MCM7: variants seen among roughly 807,000 people sequenced by gnomAD.
The protein encoded by MCM7 is minichromosome maintenance complex component 7, also known as DNA replication licensing factor MCM7.
MCM7 carries 95 observed loss-of-function variants against 83.5 expected under a neutral mutation model. The observed-to-expected ratio is 1.14, with a 90% confidence interval of 0.96 to 1.35. The LOEUF (loss-of-function observed/expected upper bound fraction) is 1.35, where lower values mean the gene tolerates loss of function less well. Ranked by LOEUF, MCM7 falls within the 40% of genes most tolerant of loss-of-function variation. The pLI is 0.00. For synonymous variants in MCM7, 461 were observed against 352.7 expected (o/e 1.31, Z -3.44); for missense variants, 1,087 against 957.4 (o/e 1.14, Z -1.79).
At chr7:100,098,881 G>A (rs761849940) in intron 5 of MCM7, 142 bp downstream of exon 5, 37 of 1,348,634 alleles carry the variant, frequency 2.7e-5, no homozygotes, top group Non-Finnish European at 3.5e-5. Flanking sequence ...TAGGTAGAAA[G>A]ACCACTACAT....
At chr7:100,098,314 G>T in intron 6 of MCM7, 24 bp from the exon 7 acceptor site, 1 of 1,611,792 alleles carries the variant, frequency 6.2e-7, no homozygotes, top group South Asian at 1.1e-5. Flanking sequence ...AGGCACATAA[G>T]ACTAGGAGAA....
At chr7:100,099,227 A>T (rs748900966) in intron 4 of MCM7, 24 bp from the exon 5 acceptor site, 2 of 1,613,908 alleles carry the variant, frequency 1.2e-6, no homozygotes, top group African/African-American at 2.7e-5. Context: ...ACAGTCACAA[A>T]CAAGATCCTG....
Position 100,100,059 on chromosome 7 carries a change from C to T in MCM7, c.66G>A (p.Gln22=). ...ACTGCTTCTTCCCGAGTTCATCATC[C>T]TGGTAGAACTCTTGTAAGAACTTCT... is the stretch of plus-strand genomic sequence containing the variant. ...KVKKFLQEFY[Q]DDELGKKQFK... is the part of the protein sequence containing the mutation. The change falls in exon 2 of 15, where the codon CAG becomes CAA. Residue 22 remains glutamine (Q), a synonymous_variant. Coordinates refer to ENST00000303887, the MANE Select transcript of MCM7 (RefSeq NM_005916.5). 1 of 1,614,178 alleles carries T rather than the reference C, an allele frequency of 6.2e-7. No homozygotes were observed.
In MCM7 at chr7:100,098,844, C is replaced by A. The variant is rs142466113; in HGVS notation, c.583-129G>T. On this transcript the variant is annotated intron_variant, in intron 5 of 14. Coordinates refer to ENST00000303887, the MANE Select transcript of MCM7 (RefSeq NM_005916.5). ...GTGTCAAGAACCCTCTGAACTTACTCTGGGTCAACAACAAACACCCAGAAA... is the reference window on the plus strand; with the variant it reads ...GTGTCAAGAACCCTCTGAACTTACTATGGGTCAACAACAAACACCCAGAAA... The A allele has an allele frequency of 6.3e-5, 89 of 1,402,152 alleles. 1 individual carries two copies. Among genetic ancestry groups the A allele is most frequent in the Middle Eastern group, 5.6e-4 (3 of 5,320 alleles). 86.9% of individuals were successfully genotyped at this position (1,402,152 alleles called of 1,614,324 possible). A position where few individuals can be genotyped will look rare whatever the true frequency, so the allele number is the denominator to read the frequency against.
chr7:100,095,577 A>C, intron 11 of MCM7, 107 bp from the exon 12 acceptor site: 1 of 1,317,292 alleles, frequency 7.6e-7, no homozygotes, highest in South Asian at 1.4e-5. Flanking sequence ...TGTAGGAGGG[A>C]CAAGCTTTCC....
chr7:100,100,144 A>G (rs1317519849), intron 1 of MCM7, 51 bp from the exon 2 acceptor site: 1 of 1,601,596 alleles, frequency 6.2e-7, no homozygotes, highest in Admixed American at 1.7e-5. Flanking sequence ...GACAAATCTT[A>G]GATACCCATT....
At chr7:100,096,461 C>T (rs1356176093) in intron 10 of MCM7, among the ~76,000 whole-genome samples, 1 of 152,168 alleles carries the variant, frequency 6.6e-6, no homozygotes, top group African/African-American at 2.4e-5. Context: ...ACTACCACAC[C>T]CAACCAATTT....
At chr7:100,096,189 A>G (rs1795625791) in intron 10 of MCM7, 22 bp from the exon 11 acceptor site, 2 of 1,536,572 alleles carry the variant, frequency 1.3e-6, no homozygotes, top group Non-Finnish European at 1.7e-6. Context: ...GAAATAAGGA[A>G]CCATGAGAGA....
Position 100,095,998 on chromosome 7 carries a change from G to A in MCM7, c.1371C>T (p.Ala457=), listed in dbSNP as rs992637777. ...TCTGCTGCTCCATGACCTCGTGGAT[G>A]GCTGTGCGGTCGGCCTCAGCCATCT... The part of the protein sequence containing the change: ...FDKMAEADRT[A]IHEVMEQQTI... Residue 457 remains alanine, a synonymous_variant, in exon 11 of 15, where the codon GCC becomes GCT. Coordinates refer to ENST00000303887, the MANE Select transcript of MCM7 (RefSeq NM_005916.5). The A allele has an allele frequency of 7.4e-6, 12 of 1,613,898 alleles. No homozygotes were observed. Among genetic ancestry groups the A allele is most frequent in the African/African-American group, 6.7e-5 (5 of 74,862 alleles).
rs757220695 is a variant in MCM7, at chr7:100,093,080, C to T, written c.2012G>A (p.Gly671Glu). The T allele has an allele frequency of 6.2e-7, 1 of 1,614,230 alleles. No individual in the cohort carries two copies. Among genetic ancestry groups the T allele is most frequent in the Non-Finnish European group, 8.5e-7 (1 of 1,180,036 alleles). ...IFATVRELVS[G>E]GRSVRFSEAE... is the part of the protein sequence containing the mutation. ...CTCAGAGAACCGGACACTTCGGCCC[C>T]CTGAGACCAGTTCACGGACGGTGGC... Residue 671 changes from glycine (G) to glutamate (E), a missense_variant, in exon 15 of 15, where the codon GGG becomes GAG. By Grantham distance (98) the Gly-to-Glu change is moderately conservative (BLOSUM62 -2). Transcript: ENST00000303887.
intron 1 of MCM7, chr7:100,100,788 G>C: frequency 1.0e-6 from 1 of 992,978 alleles, no homozygotes; most frequent in Non-Finnish European, 1.2e-6. Flanking sequence ...ACTTCCGCCC[G>C]GCTCCACTTC....
At chr7:100,097,230 C>A in intron 10 of MCM7, 71 bp downstream of exon 10, 13 of 1,366,874 alleles carry the variant, frequency 9.5e-6, no homozygotes, top group Non-Finnish European at 1.4e-5. Flanking sequence ...AACATGCACC[C>A]CTACTTTTTG....
Position 100,093,143 on chromosome 7 carries a change from A to T in MCM7, c.1959-10T>A. ...TGCTGGTCTCTGAGTCCTGAAGGAA[A>T]TGAGTGGGTGTGTAAGGTCAGGATA... On this transcript the variant is annotated splice_polypyrimidine_tract_variant and intron_variant, in intron 14 of 14. Coordinates refer to ENST00000303887, the MANE Select transcript of MCM7 (RefSeq NM_005916.5). 1 of 1,613,292 alleles carries T rather than the reference A, an allele frequency of 6.2e-7. No homozygotes were observed. The highest frequency in any genetic ancestry group is 8.5e-7 in the Non-Finnish European group (1 of 1,179,516).
rs751375772 is a variant in MCM7, at chr7:100,094,219, G to A, written c.1802C>T (p.Thr601Ile). 26 of 1,614,102 alleles carry A rather than the reference G, an allele frequency of 1.6e-5. No homozygotes were observed. The highest frequency in any genetic ancestry group is 2.1e-5 in the Non-Finnish European group (25 of 1,180,054). ...GATAGCCAGCAGGGTCCGGGCAGAA[G>A]TATAGGTGGCATCCTTACTAGCCCA... Reference protein sequence around the residue: ...EAWASKDATYTSARTLLAILR... With the variant: ...EAWASKDATYISARTLLAILR... The change falls in exon 13 of 15, where the codon ACT becomes ATT. Residue 601 changes from threonine to isoleucine, a missense_variant. By Grantham distance (89) the Thr-to-Ile change is moderately conservative. Coordinates refer to ENST00000303887, the MANE Select transcript of MCM7 (RefSeq NM_005916.5).
rs1051771257 is a variant in MCM7, at chr7:100,101,361, T to A, written c.-67A>T. ...GTCTTGCTCCTGGGGAAGCTGAGAATCTCCGCGCGGTGGACTGTGGCCGGC... is the reference window on the plus strand; with the variant it reads ...GTCTTGCTCCTGGGGAAGCTGAGAAACTCCGCGCGGTGGACTGTGGCCGGC... On this transcript the variant is annotated 5_prime_UTR_variant, in exon 1 of 15. Coordinates refer to ENST00000303887, the MANE Select transcript of MCM7 (RefSeq NM_005916.5). 1.9e-6 allele frequency: 3 copies of A among 1,604,838 alleles called. No homozygotes were observed. Among genetic ancestry groups the A allele is most frequent in the Admixed American group, 1.7e-5 (1 of 59,726 alleles).
At position 100,096,108 on chromosome 7, in the gene MCM7, C is replaced by CT; in HGVS notation, c.1260dup (p.Asp421ArgfsTer18). 2 of 1,613,942 alleles carry CT rather than the reference C, an allele frequency of 1.2e-6. No individual in the cohort carries two copies. Among genetic ancestry groups the CT allele is most frequent in the Non-Finnish European group, 1.7e-6 (2 of 1,179,912 alleles). ...AAGGTCAGTTCTCCACTCACGGAGTCTCTCAGCACAGCTGCCGTAAGCCCC... is the reference window on the plus strand; with the variant it reads ...AAGGTCAGTTCTCCACTCACGGAGTCTTCTCAGCACAGCTGCCGTAAGCCCC... On this transcript the variant is annotated frameshift_variant, in exon 11 of 15. Transcript: ENST00000303887. LOFTEE classifies it high-confidence loss of function.
At position 100,099,648 on chromosome 7, in the gene MCM7, A is replaced by G; in HGVS notation, c.217T>C (p.Tyr73His). The G allele has an allele frequency of 1.2e-6, 2 of 1,614,208 alleles. No individual in the cohort carries two copies. Residue 73 changes from tyrosine to histidine, a missense_variant, in exon 3 of 15, where the codon TAC becomes CAC. Physicochemically the swap from Tyr to His is moderately conservative, Grantham distance 83. Coordinates refer to ENST00000303887, the MANE Select transcript of MCM7 (RefSeq NM_005916.5). ...VDSICENARRYAKLFADAVQE... is the reference protein window; with the variant it reads ...VDSICENARRHAKLFADAVQE... ...ACGGCATCAGCAAAGAGCTTCGCGT[A>G]GCGCCTGGCATTCTCACAAATTGAG...
intron 1 of MCM7, 79 bp from the exon 2 acceptor site, chr7:100,100,172 C>G: frequency 7.7e-6 from 12 of 1,552,374 alleles, no homozygotes; most frequent in South Asian, 1.2e-5. Context: ...AAAACACGAC[C>G]TATGAACTAA....
intron 9 of MCM7, 88 bp downstream of exon 9, chr7:100,097,526 C>CA: frequency 6.3e-7 from 1 of 1,597,702 alleles, no homozygotes; most frequent in Non-Finnish European, 8.6e-7. Flanking sequence ...GATGTCCACT[C>CA]ATACTGTGAC....
Sources: allele counts gnomAD v4.1 joint callset (sites outside exome capture counted in the v4.1 genomes callset), GRCh38; gene constraint gnomAD v4.1.1; transcripts MANE v1.5; gene names NCBI Gene and HGNC (gene_info 2026-07-23, HGNC 2026-07-21).